NDRG3: variants seen among roughly 807,000 people sequenced by gnomAD.
NDRG3 encodes protein NDRG3.
A neutral mutation model predicts 57.2 loss-of-function variants in NDRG3; 23 were observed. That is an observed-to-expected ratio of 0.40 (90% CI 0.29 to 0.57). The LOEUF (loss-of-function observed/expected upper bound fraction) is 0.57, where lower values mean the gene tolerates loss of function less well. NDRG3 is among the 20% of genes least tolerant of loss of function. The pLI, the probability that NDRG3 is intolerant of heterozygous loss-of-function variation, is 0.42. For synonymous variants in NDRG3, 132 were observed against 162.6 expected, an observed-to-expected ratio of 0.81 and a Z score of 1.43; for missense variants, 384 against 457.3, an observed-to-expected ratio of 0.84 and a Z score of 1.46.
chr20:36,687,958 C>T (rs1176388669), intron 4 of NDRG3, among the ~76,000 whole-genome samples: 2 of 152,228 alleles, frequency 1.3e-5, no homozygotes, highest in Admixed American at 1.3e-4. Context: ...CAAACAGACA[C>T]TGATTATACC....
intron 2 of NDRG3, among the ~76,000 whole-genome samples, chr20:36,715,040 A>G (rs1159651422): frequency 3.5e-5 from 4 of 115,346 alleles, no homozygotes; most frequent in African/African-American, 1.2e-4. Context: ...ATATATATAT[A>G]TATATATATA....
chr20:36,693,752 C>T (rs1982539411), intron 3 of NDRG3, among the ~76,000 whole-genome samples: 1 of 151,696 alleles, frequency 6.6e-6, no homozygotes, highest in African/African-American at 2.4e-5. Flanking sequence ...TGATCTATCA[C>T]TGTCTCCCAT....
At chr20:36,703,421 C>CCTATCTAT (rs5841239) in intron 3 of NDRG3, among the ~76,000 whole-genome samples, 2,982 of 146,990 alleles carry the variant, frequency 0.02, 91 homozygotes, top group African/African-American at 0.061. Context: ...TATGTAATAT[C>CCTATCTAT]CTATCTATCT....
At chr20:36,746,009 G>C (rs968858101) in intron 1 of NDRG3, 36 bp downstream of exon 1, 1 of 315,858 alleles carries the variant, frequency 3.2e-6, no homozygotes, top group African/African-American at 2.2e-5. Context: ...GCGGCGCCGC[G>C]CGCCCCCCGC....
At chr20:36,725,145 A>G (rs558016278) in intron 1 of NDRG3, among the ~76,000 whole-genome samples, 1 of 151,930 alleles carries the variant, frequency 6.6e-6, no homozygotes, top group East Asian at 1.9e-4. Context: ...AAAATAAAAA[A>G]AATTAGACAG....
At position 36,652,805 on chromosome 20, in the gene NDRG3, C is replaced by T. The variant is rs989180505; in HGVS notation, c.*715G>A. 6.6e-6 allele frequency: 1 copy of T among 152,204 alleles called. No individual in the cohort carries two copies. The highest frequency in any genetic ancestry group is 2.4e-5 in the African/African-American group (1 of 41,450). The allele number at this position is 152,204 out of a possible 1,614,324, so 9.4% of individuals were successfully genotyped here. On this transcript the variant is annotated 3_prime_UTR_variant, in exon 16 of 16. Transcript: ENST00000349004. ...ACTCTATGTTGTATCAGAACCTCAG[C>T]GATGGTTCATGGGCTTCCAGCAGAA...
chr20:36,660,535 GATATATTT>G (rs1361702428), intron 12 of NDRG3, 151 bp from the exon 13 acceptor site: 1 of 292,646 alleles, frequency 3.4e-6, no homozygotes, highest in East Asian at 6.1e-5. Flanking sequence ...CATAGTGGGA[GATATATTT>G]ATTTATTTAT....
At chr20:36,673,974 G>C (rs931078245) in intron 8 of NDRG3, among the ~76,000 whole-genome samples, 5 of 151,726 alleles carry the variant, frequency 3.3e-5, no homozygotes, top group Non-Finnish European at 7.4e-5. Flanking sequence ...GTGGTGGCAC[G>C]TTATCTGTAA....
At chr20:36,666,024 G>A (rs1332377110) in intron 10 of NDRG3, among the ~76,000 whole-genome samples, 1 of 152,158 alleles carries the variant, frequency 6.6e-6, no homozygotes, top group African/African-American at 2.4e-5. Flanking sequence ...ACTAAAAATA[G>A]GGAGGCTCTG....
intron 1 of NDRG3, among the ~76,000 whole-genome samples, chr20:36,725,600 T>TAAAAAAA (rs548128722): frequency 1.2e-5 from 1 of 82,432 alleles, no homozygotes; most frequent in Non-Finnish European, 2.4e-5. Context: ...AGACTCCGTC[T>TAAAAAAA]AAAAAAAAAA....
intron 1 of NDRG3, among the ~76,000 whole-genome samples, chr20:36,733,157 A>T (rs1985383202): frequency 4.2e-5 from 2 of 48,164 alleles, no homozygotes; most frequent in East Asian, 3.5e-4. Flanking sequence ...AAAAAAAAAA[A>T]AAAAAAAAAA....
intron 5 of NDRG3, among the ~76,000 whole-genome samples, chr20:36,685,786 A>G (rs1201937258): frequency 6.6e-6 from 1 of 152,160 alleles, no homozygotes; most frequent in African/African-American, 2.4e-5. Flanking sequence ...AGGCAACCAG[A>G]TTGCTCAAGC....
intron 2 of NDRG3, among the ~76,000 whole-genome samples, chr20:36,716,480 C>A (rs1390859258): frequency 6.6e-6 from 1 of 150,576 alleles, no homozygotes; most frequent in African/African-American, 2.4e-5. Context: ...TTGCAGTGAG[C>A]CGAGATCATG....
Position 36,740,238 on chromosome 20 carries a change from A to G in NDRG3, c.-49+5807T>C, listed in dbSNP as rs375173836. Among the ~76,000 whole-genome samples, 11 of 152,364 alleles carry G rather than the reference A, an allele frequency of 7.2e-5. No individual in the cohort carries two copies. In the East Asian group the frequency reaches 1.9e-3, roughly 27 times the overall value. ...CAGGGAGGATACCAGCTCCATATCAATAACATTAATTAATGTTTGCCACTG... is the reference window on the plus strand; with the variant it reads ...CAGGGAGGATACCAGCTCCATATCAGTAACATTAATTAATGTTTGCCACTG... On this transcript the variant is annotated intron_variant, in intron 1 of 15. Transcript: ENST00000349004.
chr20:36,713,048 C>T (rs1174067039), intron 2 of NDRG3, among the ~76,000 whole-genome samples: 1 of 152,124 alleles, frequency 6.6e-6, no homozygotes, highest in Non-Finnish European at 1.5e-5. Flanking sequence ...TATATGGTTC[C>T]ACTCTAACAA....
chr20:36,656,799 A>G (rs1978714067), intron 13 of NDRG3, among the ~76,000 whole-genome samples: 1 of 152,200 alleles, frequency 6.6e-6, no homozygotes, highest in South Asian at 2.1e-4. Context: ...TAGTGAAGTT[A>G]ACCACTACTC....
intron 1 of NDRG3, among the ~76,000 whole-genome samples, chr20:36,729,127 C>T (rs1006427507): frequency 3.3e-5 from 5 of 152,128 alleles, no homozygotes; most frequent in Admixed American, 2.6e-4. Flanking sequence ...TTCCTCTTTA[C>T]CCAGCCTGTG....
At chr20:36,722,550 T>C (rs1984656689) in intron 1 of NDRG3, among the ~76,000 whole-genome samples, 1 of 152,152 alleles carries the variant, frequency 6.6e-6, no homozygotes, top group Admixed American at 6.6e-5. Flanking sequence ...AAACTATGCT[T>C]GGAACAGACT....
At chr20:36,695,376 T>C (rs376621014) in intron 3 of NDRG3, among the ~76,000 whole-genome samples, 1 of 152,186 alleles carries the variant, frequency 6.6e-6, no homozygotes, top group African/African-American at 2.4e-5. Flanking sequence ...GAGATAACCA[T>C]TAGGTCTGAC....
Sources: allele counts gnomAD v4.1 joint callset (sites outside exome capture counted in the v4.1 genomes callset), GRCh38; gene constraint gnomAD v4.1.1; transcripts MANE v1.5; gene names NCBI Gene and HGNC (gene_info 2026-07-23, HGNC 2026-07-21).